ZC3H7A: variants seen among roughly 807,000 people sequenced by gnomAD.
The protein encoded by ZC3H7A is zinc finger CCCH domain-containing protein 7A.
Under a neutral mutation model 125.5 loss-of-function variants are expected in ZC3H7A, and 44 were observed. The ratio of observed to expected loss-of-function variants is 0.35; its 90% CI spans 0.28 to 0.45. ZC3H7A has a LOEUF of 0.45. Ranked by LOEUF, ZC3H7A falls within the 20% of genes least tolerant of loss-of-function variation. The pLI is 1.00. For synonymous variants in ZC3H7A, 399 were observed against 391.2 expected (o/e 1.02, Z -0.23); for missense variants, 977 against 1,170.7 (o/e 0.83, Z 2.41).
In ZC3H7A at chr16:11,769,086, G is replaced by A. The variant is rs764536863; in HGVS notation, c.1118C>T (p.Thr373Ile). ...SMSESKRDLS[T>I]STSREGTPLN... Reference sequence around the variant, plus strand: ...CGGTGTTCCCTCTCTAGAAGTTGAGGTGGACAGATCTAAAATAATAAAAAA... The same window carrying A: ...CGGTGTTCCCTCTCTAGAAGTTGAGATGGACAGATCTAAAATAATAAAAAA... The change falls in exon 11 of 23, where the codon ACC (threonine) becomes ATC (isoleucine). Residue 373 changes from threonine (T) to isoleucine (I), a missense_variant. By Grantham distance (89) the Thr-to-Ile change is moderately conservative. Around this residue, in one of 3 missense-constraint regions of ZC3H7A, gnomAD observed 342 missense variants for 311.3 expected, o/e 1.10. Transcript: ENST00000355758. 6.2e-6 allele frequency: 10 copies of A among 1,607,888 alleles called. No individual in the cohort carries two copies. The highest frequency in any genetic ancestry group is 8.5e-6 in the Non-Finnish European group (10 of 1,177,762).
At chr16:11,785,823 G>C (rs542534188) in intron 1 of ZC3H7A, among the ~76,000 whole-genome samples, 10 of 152,168 alleles carry the variant, frequency 6.6e-5, no homozygotes, top group Non-Finnish European at 1.3e-4. Flanking sequence ...GTTTCACCGC[G>C]TTAGCCAGGA....
chr16:11,776,281 TAA>T, intron 7 of ZC3H7A, 37 bp downstream of exon 7: 1 of 1,519,426 alleles, frequency 6.6e-7, no homozygotes, highest in African/African-American at 1.4e-5. Context: ...TCCTTCCCTT[TAA>T]AAAAAAATAT....
intron 1 of ZC3H7A, among the ~76,000 whole-genome samples, chr16:11,783,784 T>C (rs2053210767): frequency 6.6e-6 from 1 of 152,182 alleles, no homozygotes; most frequent in Admixed American, 6.5e-5. Context: ...TTAAATCTCA[T>C]TTTTTTCAAA....
intron 1 of ZC3H7A, chr16:11,796,799 T>C (rs570440628): frequency 1.3e-5 from 2 of 151,030 alleles, no homozygotes; most frequent in Non-Finnish European, 2.9e-5. Flanking sequence ...CAGACAGAAA[T>C]AACCAAAAAA....
chr16:11,750,674 A>G lies in ZC3H7A; in HGVS notation c.*643T>C, dbSNP rs959169366. 1 of 152,696 alleles carries G rather than the reference A, an allele frequency of 6.5e-6. No individual in the cohort carries two copies. The highest frequency in any genetic ancestry group is 2.4e-5 in the African/African-American group (1 of 41,454). 9.5% of individuals were successfully genotyped at this position (152,696 alleles called of 1,614,324 possible). The stretch of plus-strand genomic sequence containing the variant: ...CCAACAGTACAGGTTTAATCTTTCA[A>G]AATCATCATTTAAACAGCAAAAGAC... On this transcript the variant is annotated 3_prime_UTR_variant, in exon 23 of 23. Transcript: ENST00000355758.
chr16:11,784,822 C>A (rs1327953083), intron 1 of ZC3H7A, among the ~76,000 whole-genome samples: 1 of 147,356 alleles, frequency 6.8e-6, no homozygotes, highest in African/African-American at 2.6e-5. Context: ...TCATTGCACT[C>A]CAGCCTGGGC....
intron 10 of ZC3H7A, among the ~76,000 whole-genome samples, chr16:11,769,866 T>TG (rs1451683648): frequency 2.9e-5 from 4 of 139,160 alleles, no homozygotes; most frequent in Non-Finnish European, 6.0e-5. Context: ...CTTGGCTCAC[T>TG]GCAGCCTCAA....
chr16:11,781,341 G>GCCAT, intron 3 of ZC3H7A, 84 bp downstream of exon 3: 1 of 1,346,362 alleles, frequency 7.4e-7, no homozygotes, highest in Non-Finnish European at 1.0e-6. Context: ...GGCCCACAAG[G>GCCAT]CCATCATTTG....
At chr16:11,761,838 T>G in intron 18 of ZC3H7A, 72 bp downstream of exon 18, 1 of 1,576,888 alleles carries the variant, frequency 6.3e-7, no homozygotes, top group Non-Finnish European at 8.6e-7. Flanking sequence ...AACTTTTTGC[T>G]TATGTGTATA....
At chr16:11,763,268 C>T (rs538183524) in intron 16 of ZC3H7A, 6 of 381,460 alleles carry the variant, frequency 1.6e-5, no homozygotes, top group African/African-American at 4.2e-5. Flanking sequence ...CCACCACGCC[C>T]GATTAATTTT....
At chr16:11,766,819 G>A (rs2052867127) in intron 13 of ZC3H7A, among the ~76,000 whole-genome samples, 1 of 152,152 alleles carries the variant, frequency 6.6e-6, no homozygotes, top group South Asian at 2.1e-4. Context: ...GAAGGCAGAG[G>A]TTGCAGTGAG....
At position 11,764,927 on chromosome 16, in the gene ZC3H7A, T is replaced by C. The variant is rs759761100; in HGVS notation, c.1820+126A>G. The C allele has an allele frequency of 1.6e-5, 10 of 615,774 alleles. No homozygotes were observed. The South Asian group carries it at 1.7e-4, about 10-fold the overall frequency. 38.1% of individuals were successfully genotyped at this position (615,774 alleles called of 1,614,324 possible). ...AAAAGACATTTTAAAATTTTGTCATTGTTCTTCAAAATAACAACATAACGA... is the reference window on the plus strand; with the variant it reads ...AAAAGACATTTTAAAATTTTGTCATCGTTCTTCAAAATAACAACATAACGA... On this transcript the variant is annotated intron_variant, in intron 15 of 22. Coordinates refer to ENST00000355758, the MANE Select transcript of ZC3H7A (RefSeq NM_014153.4).
rs1444446836 is a variant in ZC3H7A, at chr16:11,765,400, C to T, written c.1719+89G>A. On this transcript the variant is annotated intron_variant, in intron 14 of 22. Coordinates refer to ENST00000355758, the MANE Select transcript of ZC3H7A (RefSeq NM_014153.4). The surrounding 1 kb of genome is among the most constrained non-coding windows in gnomAD (Gnocchi z 4.8). Reference sequence around the variant, plus strand: ...AAATAAATGAATATTTATTCATTTACCAAGTGAATGTTTTATCACATGGCA... The same window carrying T: ...AAATAAATGAATATTTATTCATTTATCAAGTGAATGTTTTATCACATGGCA... 3 of 866,228 alleles carry T rather than the reference C, an allele frequency of 3.5e-6. No individual in the cohort carries two copies. In the African/African-American group the frequency reaches 5.2e-5, roughly 15 times the overall value. 53.7% of individuals were successfully genotyped at this position (866,228 alleles called of 1,614,324 possible). A position where few individuals can be genotyped will look rare whatever the true frequency, so the allele number is the denominator to read the frequency against.
rs376227103 is a variant in ZC3H7A, at chr16:11,774,910, A to G, written c.619+70T>C. 8.0e-6 allele frequency: 12 copies of G among 1,493,972 alleles called. No individual in the cohort carries two copies. The African/African-American group carries it at 1.5e-4, about 19-fold the overall frequency. The allele number at this position is 1,493,972 out of a possible 1,614,324, so 92.5% of individuals were successfully genotyped here. The stretch of plus-strand genomic sequence containing the variant: ...ACACAGCGATATTATTTGACAATAC[A>G]TCACATACAAAGACATCAGGTACAA... On this transcript the variant is annotated intron_variant, in intron 8 of 22. Coordinates refer to ENST00000355758, the MANE Select transcript of ZC3H7A (RefSeq NM_014153.4).
Position 11,768,475 on chromosome 16 carries a change from AG to A in ZC3H7A, c.1199del (p.Ala400ValfsTer31). 6.6e-7 allele frequency: 1 copy of A among 1,513,914 alleles called. No homozygotes were observed. The highest frequency in any genetic ancestry group is 2.3e-5 in the East Asian group (1 of 42,860). 93.8% of individuals were successfully genotyped at this position (1,513,914 alleles called of 1,614,324 possible). A position where few individuals can be genotyped will look rare whatever the true frequency, so the allele number is the denominator to read the frequency against. On this transcript the variant is annotated frameshift_variant, in exon 12 of 23. Coordinates refer to ENST00000355758, the MANE Select transcript of ZC3H7A (RefSeq NM_014153.4). LOFTEE classifies it high-confidence loss of function. ...LLMNGPGSLF[A>X]SENFLGISSQ... ...TTGAAATTCCCAGGAAATTCTCTGA[AG>A]CAAACAAACTACCTGGTCCATTCAT...
chr16:11,792,686 A>G (rs1203622432), intron 1 of ZC3H7A, among the ~76,000 whole-genome samples: 1 of 152,214 alleles, frequency 6.6e-6, no homozygotes, highest in African/African-American at 2.4e-5. Flanking sequence ...TGAAATACAG[A>G]TAAGTGACGC....
At chr16:11,753,921 A>T (rs1227196232) in intron 21 of ZC3H7A, 2 of 150,710 alleles carry the variant, frequency 1.3e-5, no homozygotes, top group East Asian at 4.1e-4. Flanking sequence ...AATTGCTGGG[A>T]TTACAGGCAT....
At chr16:11,772,005 C>G (rs565101139) in intron 9 of ZC3H7A, among the ~76,000 whole-genome samples, 73 of 151,718 alleles carry the variant, frequency 4.8e-4, no homozygotes, top group Non-Finnish European at 6.2e-4. Context: ...CCAACCTGGC[C>G]AAGATGGTGA....
chr16:11,752,172 C>T (rs901377368), intron 22 of ZC3H7A, among the ~76,000 whole-genome samples: 17 of 152,160 alleles, frequency 1.1e-4, no homozygotes, highest in Admixed American at 1.1e-3. Flanking sequence ...TCCCAAAGTG[C>T]TGGGATTACA....
Sources: gnomAD v4.1 joint callset for allele counts (sites outside exome capture counted in the v4.1 genomes callset) on GRCh38, gnomAD v4.1.1 for gene constraint, gnomAD v4.1.1 regional missense constraint, Gnocchi (gnomAD v3.1) non-coding constraint, MANE v1.5 for transcripts, NCBI Gene and HGNC (gene_info 2026-07-23, HGNC 2026-07-21) for gene names.